Variants in HMCN1 observed in about 807,000 individuals in gnomAD.
HMCN1 encodes hemicentin-1.
In HMCN1, 321 loss-of-function variants were observed where a neutral mutation model predicts 625.9. The observed-to-expected ratio is 0.51, with a 90% confidence interval of 0.47 to 0.56. The LOEUF is 0.56. Among genes scored for constraint, HMCN1 ranks in the 20% least tolerant of loss-of-function variants. The probability of loss-of-function intolerance (pLI) is 0.00; values close to 1 mark genes in which losing one functional copy is unlikely to be tolerated. For synonymous variants in HMCN1, 2,425 were observed against 2,417.6 expected (o/e 1.00, Z -0.09); for missense variants, 6,588 against 6,887.3 (o/e 0.96, Z 1.54).
chr1:185,757,097 C>G (rs1655181542), intron 1 of HMCN1, among the ~76,000 whole-genome samples: 1 of 152,184 alleles, frequency 6.6e-6, no homozygotes, highest in Non-Finnish European at 1.5e-5. Flanking sequence ...GCCTCAGCCT[C>G]CCAAGTAGCT....
intron 97 of HMCN1, among the ~76,000 whole-genome samples, chr1:186,162,094 A>G (rs1280753514): frequency 6.6e-6 from 1 of 152,070 alleles, no homozygotes; most frequent in Non-Finnish European, 1.5e-5. Flanking sequence ...GTAGTCCCAT[A>G]TTTCTTGAGG....
chr1:185,965,673 C>T, intron 13 of HMCN1, 129 bp from the exon 14 acceptor site: 2 of 710,918 alleles, frequency 2.8e-6, no homozygotes, highest in Non-Finnish European at 5.2e-6. Context: ...ACAAGAGTTT[C>T]TTTCGGTTTA....
At position 186,178,478 on chromosome 1, in the gene HMCN1, AG is replaced by A. The variant is rs1171652584; in HGVS notation, c.16007del (p.Ser5336ThrfsTer13). The A allele has an allele frequency of 6.2e-7, 1 of 1,613,996 alleles. No homozygotes were observed. The highest frequency in any genetic ancestry group is 1.7e-5 in the Admixed American group (1 of 59,990). ...ACATCAGTGCTCCAACACCCCCGGC[AG>A]CTTCAAGTGTATCTGTCCACCAGGA... is the stretch of plus-strand genomic sequence containing the variant. The part of the protein sequence containing the change: ...CAHQCSNTPG[S>X]FKCICPPGQH... On this transcript the variant is annotated frameshift_variant, in exon 104 of 107. Transcript: ENST00000271588. LOFTEE classifies it high-confidence loss of function.
At chr1:185,833,071 T>G (rs577188804) in intron 1 of HMCN1, among the ~76,000 whole-genome samples, 1 of 152,326 alleles carries the variant, frequency 6.6e-6, no homozygotes, top group Admixed American at 6.5e-5. Context: ...TTCAACTTGT[T>G]ATTTTGTCTC....
chr1:185,965,741 T>G, intron 13 of HMCN1, 61 bp from the exon 14 acceptor site: 1 of 950,854 alleles, frequency 1.1e-6, no homozygotes, highest in Admixed American at 1.7e-5. Context: ...TTAGTAAACA[T>G]AAACAAAATC....
At chr1:186,061,994 A>G in intron 47 of HMCN1, 30 bp downstream of exon 47, 1 of 1,361,324 alleles carries the variant, frequency 7.3e-7, no homozygotes, top group Non-Finnish European at 1.0e-6. Context: ...TATCTAGAAG[A>G]AACTTAAATT....
intron 2 of HMCN1, among the ~76,000 whole-genome samples, chr1:185,846,460 A>G (rs1661822120): frequency 6.6e-6 from 1 of 152,204 alleles, no homozygotes; most frequent in Non-Finnish European, 1.5e-5. Flanking sequence ...TTCCCATAAA[A>G]TTAATGGCAT....
chr1:185,991,676 T>C (rs2102031941), intron 22 of HMCN1, among the ~76,000 whole-genome samples: 1 of 152,264 alleles, frequency 6.6e-6, no homozygotes. Context: ...TTCATTCCTT[T>C]ATTTATGGAC....
At chr1:185,960,805 T>G (rs1299721313) in intron 11 of HMCN1, among the ~76,000 whole-genome samples, 1 of 152,202 alleles carries the variant, frequency 6.6e-6, no homozygotes, top group Non-Finnish European at 1.5e-5. Flanking sequence ...ACTGAATAAA[T>G]GTGTGTTTCA....
Position 186,145,579 on chromosome 1 carries a change from C to T in HMCN1, c.14437+6C>T, listed in dbSNP as rs972515280. ...CAACACTGACATGTGTCCTGGTGAG[C>T]CTCTTGATTTCTGGCAGTTGAATAA... On this transcript the variant is annotated splice_donor_region_variant and intron_variant, in intron 92 of 106. Coordinates refer to ENST00000271588, the MANE Select transcript of HMCN1 (RefSeq NM_031935.3). 4 of 1,613,728 alleles carry T rather than the reference C, an allele frequency of 2.5e-6. No homozygotes were observed. The highest frequency in any genetic ancestry group is 3.4e-6 in the Non-Finnish European group (4 of 1,179,840).
chr1:185,914,164 T>C (rs1177291132), intron 6 of HMCN1, among the ~76,000 whole-genome samples: 1 of 152,166 alleles, frequency 6.6e-6, no homozygotes, highest in African/African-American at 2.4e-5. Flanking sequence ...TTTGCTTCTA[T>C]ATGAAATACC....
At position 185,999,958 on chromosome 1, in the gene HMCN1, A is replaced by G. The variant is rs534922070; in HGVS notation, c.3875-87A>G. On this transcript the variant is annotated intron_variant, in intron 25 of 106. Transcript: ENST00000271588. ...AAGGTTATAAATTATTGTCATAACA[A>G]AAACTTTATTTCTCTTTGATATATT... 1.3e-5 allele frequency: 12 copies of G among 935,200 alleles called. No individual in the cohort carries two copies. In the Admixed American group the frequency reaches 2.1e-4, roughly 16 times the overall value. 57.9% of individuals were successfully genotyped at this position (935,200 alleles called of 1,614,324 possible).
intron 29 of HMCN1, among the ~76,000 whole-genome samples, chr1:186,004,263 AC>A (rs1653397990): frequency 6.6e-6 from 1 of 152,088 alleles, no homozygotes; most frequent in African/African-American, 2.4e-5. Flanking sequence ...TATTTCTCCA[AC>A]TCCAGATCTC....
chr1:185,741,841 A>T (rs894460432), intron 1 of HMCN1, among the ~76,000 whole-genome samples: 2 of 152,208 alleles, frequency 1.3e-5, no homozygotes, highest in Non-Finnish European at 2.9e-5. Context: ...GAGAATGGGA[A>T]AAGAGGATTT....
intron 11 of HMCN1, among the ~76,000 whole-genome samples, chr1:185,946,718 G>A (rs1291149158): frequency 6.6e-6 from 1 of 152,172 alleles, no homozygotes; most frequent in Non-Finnish European, 1.5e-5. Context: ...ATTACCCAAA[G>A]AAGCTGCTAA....
intron 1 of HMCN1, among the ~76,000 whole-genome samples, chr1:185,759,374 A>G (rs1311454779): frequency 6.6e-6 from 1 of 152,142 alleles, no homozygotes; most frequent in Admixed American, 6.5e-5. Context: ...TGGTTATTCT[A>G]TTAGATTCTA....
chr1:185,777,545 G>A (rs1410676558), intron 1 of HMCN1, among the ~76,000 whole-genome samples: 3 of 151,928 alleles, frequency 2.0e-5, no homozygotes, highest in Admixed American at 6.6e-5. Context: ...TCCGCCTCCT[G>A]GCTTCAAGTG....
At chr1:186,146,995 T>C (rs1229722913) in intron 93 of HMCN1, among the ~76,000 whole-genome samples, 1 of 152,170 alleles carries the variant, frequency 6.6e-6, no homozygotes, top group African/African-American at 2.4e-5. Flanking sequence ...GCTAAGTAAA[T>C]TAGTGGTCCT....
intron 46 of HMCN1, among the ~76,000 whole-genome samples, chr1:186,060,762 G>A (rs1657636301): frequency 6.6e-6 from 1 of 151,944 alleles, no homozygotes; most frequent in Admixed American, 6.6e-5. Flanking sequence ...AGTAATTGTG[G>A]TTTTTGCCAT....
Sources: allele counts gnomAD v4.1 joint callset (sites outside exome capture counted in the v4.1 genomes callset), GRCh38; gene constraint gnomAD v4.1.1; transcripts MANE v1.5; gene names NCBI Gene and HGNC (gene_info 2026-07-23, HGNC 2026-07-21).